The following FBXO41 variants were observed in gnomAD, a reference collection of about 807,000 sequenced individuals.
The protein encoded by FBXO41 is F-box protein 41.
In FBXO41, 33 loss-of-function variants were observed where a neutral mutation model predicts 81.6. That is an observed-to-expected ratio of 0.40 (90% CI 0.31 to 0.54). The LOEUF is 0.54. FBXO41 is among the 20% of genes least tolerant of loss of function. FBXO41 has a pLI of 0.39. For synonymous variants in FBXO41, 576 were observed against 552.7 expected (o/e 1.04, Z -0.59); for missense variants, 1,107 against 1,236.0 (o/e 0.90, Z 1.56).
Position 73,266,685 on chromosome 2 carries a change from G to A in FBXO41, c.906-3C>T, listed in dbSNP as rs1391840362. 1 of 1,576,480 alleles carries A rather than the reference G, an allele frequency of 6.3e-7. No homozygotes were observed. Among genetic ancestry groups the A allele is most frequent in the East Asian group, 2.3e-5 (1 of 43,722 alleles). ...ACTGGTCGATCTGCACCACCTCCCT[G>A]GGCCCAGAGCAGTCTCTTACCCCAG... On this transcript the variant is annotated splice_polypyrimidine_tract_variant and splice_region_variant and intron_variant, in intron 2 of 12. Transcript: ENST00000520530. This position sits in a 1 kb window ranked among gnomAD's most constrained non-coding sequence, Gnocchi z 5.3.
At position 73,266,548 on chromosome 2, in the gene FBXO41, C is replaced by T; in HGVS notation, c.1040G>A (p.Ser347Asn). The change falls in exon 3 of 13, where the codon AGC becomes AAC. Residue 347 changes from serine (S) to asparagine (N), a missense_variant. Ser to Asn is a conservative substitution (Grantham distance 46, BLOSUM62 1). Coordinates refer to ENST00000520530, the MANE Select transcript of FBXO41 (RefSeq NM_001371389.2). The surrounding 1 kb of genome is among the most constrained non-coding windows in gnomAD (Gnocchi z 5.3). The part of the protein sequence containing the change: ...DRAERQLQVI[S>N]SSCGSTPSAS... Reference sequence around the variant, plus strand: ...GCTGGGCGTGCTGCCACAGCTGCTGCTGATGACCTGCAGCTGCCGCTCGGC... The same window carrying T: ...GCTGGGCGTGCTGCCACAGCTGCTGTTGATGACCTGCAGCTGCCGCTCGGC... 6.2e-7 allele frequency: 1 copy of T among 1,609,234 alleles called. No individual in the cohort carries two copies. Among genetic ancestry groups the T allele is most frequent in the Non-Finnish European group, 8.5e-7 (1 of 1,178,546 alleles).
chr2:73,273,063 C>G (rs1238321182), intron 1 of FBXO41: 1 of 152,206 alleles, frequency 6.6e-6, no homozygotes, highest in Non-Finnish European at 1.5e-5. Context: ...TCCTCACCCC[C>G]CTCTTCAACT....
At chr2:73,281,525 G>A (rs745958156) in intron 1 of FBXO41, among the ~76,000 whole-genome samples, 2 of 152,220 alleles carry the variant, frequency 1.3e-5, no homozygotes, top group Non-Finnish European at 2.9e-5. Context: ...GCAGGCAGAG[G>A]CTCCATCAGC....
chr2:73,271,667 T>C (rs978314399), intron 1 of FBXO41, among the ~76,000 whole-genome samples: 1 of 145,208 alleles, frequency 6.9e-6, no homozygotes, highest in African/African-American at 2.6e-5. Context: ...GTCTCACTCT[T>C]TCACCTGGGC....
At chr2:73,276,508 C>T (rs957448261) in intron 1 of FBXO41, among the ~76,000 whole-genome samples, 15 of 148,438 alleles carry the variant, frequency 1.0e-4, no homozygotes, top group African/African-American at 3.5e-4. Context: ...AAATCCAAAA[C>T]ATGGTTCTTT....
At chr2:73,265,728 A>T in intron 4 of FBXO41, 88 bp from the exon 5 acceptor site, 1 of 1,435,228 alleles carries the variant, frequency 7.0e-7, no homozygotes, top group Admixed American at 2.5e-5. Context: ...AGCTGAGGGC[A>T]ACCCACCCGC....
intron 9 of FBXO41, among the ~76,000 whole-genome samples, chr2:73,262,684 C>T (rs566899083): frequency 3.3e-5 from 5 of 152,186 alleles, no homozygotes; most frequent in Non-Finnish European, 7.3e-5. Context: ...ATTGAGATTG[C>T]CAAGGTGGCA....
chr2:73,269,444 C>G lies in FBXO41; in HGVS notation c.187G>C (p.Gly63Arg). Residue 63 changes from glycine (G) to arginine (R), a missense_variant, in exon 2 of 13, where the codon GGG becomes CGG. By Grantham distance (125) the Gly-to-Arg change is moderately radical. Transcript: ENST00000520530. The surrounding 1 kb of genome is among the most constrained non-coding windows in gnomAD (Gnocchi z 7.0). ...AAAAAAAAAS[G>R]FPLAPEPAAL... The stretch of plus-strand genomic sequence containing the variant: ...GCGGGCTCGGGAGCCAGCGGGAACC[C>G]CGAGGCAGCGGCGGCGGCGGCCGCG... The G allele has an allele frequency of 7.6e-7, 1 of 1,316,914 alleles. No homozygotes were observed. The highest frequency in any genetic ancestry group is 1.5e-5 in the African/African-American group (1 of 64,708). 81.6% of individuals were successfully genotyped at this position (1,316,914 alleles called of 1,614,324 possible).
rs1688228226 is a variant in FBXO41 at position 73,265,602 on chromosome 2, C to T, written c.1244G>A (p.Gly415Asp). 17 of 1,530,032 alleles carry T rather than the reference C, an allele frequency of 1.1e-5. No homozygotes were observed. Among genetic ancestry groups the T allele is most frequent in the Admixed American group, 2.1e-5 (1 of 47,614 alleles). The allele number at this position is 1,530,032 out of a possible 1,614,324, so 94.8% of individuals were successfully genotyped here. ...CTCCAGACTGTCACTGTCATAGCAG[C>T]CTGAGCTCTGGGATGCGGCTGGCAC... ...SRVPAASQSSGCYDSDSLELP... is the reference protein window; with the variant it reads ...SRVPAASQSSDCYDSDSLELP... The change falls in exon 5 of 13, where the codon GGC becomes GAC. Residue 415 changes from glycine to aspartate, a missense_variant. Transcript: ENST00000520530.
Position 73,269,284 on chromosome 2 carries a change from G to T in FBXO41, c.347C>A (p.Ala116Asp). 6.5e-7 allele frequency: 1 copy of T among 1,531,014 alleles called. No homozygotes were observed. 94.8% of individuals were successfully genotyped at this position (1,531,014 alleles called of 1,614,324 possible). ...LHHHHHHAPLAHFPGDLVPAS... is the reference protein window; with the variant it reads ...LHHHHHHAPLDHFPGDLVPAS... ...GGGCACCAGGTCGCCGGGGAAGTGGGCGAGGGGAGCGTGGTGATGGTGGTG... is the reference window on the plus strand; with the variant it reads ...GGGCACCAGGTCGCCGGGGAAGTGGTCGAGGGGAGCGTGGTGATGGTGGTG... Residue 116 changes from alanine to aspartate, a missense_variant, in exon 2 of 13, where the codon GCC becomes GAC. Transcript: ENST00000520530. The surrounding 1 kb of genome is among the most constrained non-coding windows in gnomAD (Gnocchi z 7.0).
Position 73,260,631 on chromosome 2 carries a change from C to T in FBXO41, c.2291-84G>A. Reference sequence around the variant, plus strand: ...AGCACCCTGGCTACCACCCTGCCACCTGCCACCACCCAGGCTGCAGCCCCA... The same window carrying T: ...AGCACCCTGGCTACCACCCTGCCACTTGCCACCACCCAGGCTGCAGCCCCA... On this transcript the variant is annotated intron_variant, in intron 10 of 12. Transcript: ENST00000520530. The surrounding 1 kb of genome is among the most constrained non-coding windows in gnomAD (Gnocchi z 5.0). The T allele has an allele frequency of 6.5e-7, 1 of 1,536,476 alleles. No homozygotes were observed. Among genetic ancestry groups the T allele is most frequent in the Non-Finnish European group, 8.8e-7 (1 of 1,137,184 alleles).
At chr2:73,274,603 T>C (rs1299060360) in intron 1 of FBXO41, among the ~76,000 whole-genome samples, 2 of 152,264 alleles carry the variant, frequency 1.3e-5, no homozygotes, top group Non-Finnish European at 2.9e-5. Context: ...TTTCCTTTTT[T>C]TAAAATTCCA....
rs896587082 is a variant in FBXO41 at position 73,256,125 on chromosome 2, C to T, written c.*2857G>A. 1.3e-5 allele frequency: 2 copies of T among 152,122 alleles called. No individual in the cohort carries two copies. The highest frequency in any genetic ancestry group is 2.4e-5 in the African/African-American group (1 of 41,376). 9.4% of individuals were successfully genotyped at this position (152,122 alleles called of 1,614,324 possible). Reference sequence around the variant, plus strand: ...GGGTGGTAGAAACACCAAGTGGCCACCCCCACTGGGCCTCTACACATACCT... The same window carrying T: ...GGGTGGTAGAAACACCAAGTGGCCATCCCCACTGGGCCTCTACACATACCT... On this transcript the variant is annotated 3_prime_UTR_variant, in exon 13 of 13. Coordinates refer to ENST00000520530, the MANE Select transcript of FBXO41 (RefSeq NM_001371389.2).
Position 73,266,709 on chromosome 2 carries a change from A to G in FBXO41, c.906-27T>C, listed in dbSNP as rs750488925. 5 of 1,524,056 alleles carry G rather than the reference A, an allele frequency of 3.3e-6. No individual in the cohort carries two copies. Among genetic ancestry groups the G allele is most frequent in the Non-Finnish European group, 4.4e-6 (5 of 1,134,906 alleles). 94.4% of individuals were successfully genotyped at this position (1,524,056 alleles called of 1,614,324 possible). On this transcript the variant is annotated intron_variant, in intron 2 of 12. Transcript: ENST00000520530. This position sits in a 1 kb window ranked among gnomAD's most constrained non-coding sequence, Gnocchi z 5.3. ...TGGGCCCAGAGCAGTCTCTTACCCCAGAGCCTCAGCCTGCCTGCCCACCCA... is the reference window on the plus strand; with the variant it reads ...TGGGCCCAGAGCAGTCTCTTACCCCGGAGCCTCAGCCTGCCTGCCCACCCA...
At chr2:73,273,615 G>A (rs1471831610) in intron 1 of FBXO41, among the ~76,000 whole-genome samples, 1 of 152,188 alleles carries the variant, frequency 6.6e-6, no homozygotes. Flanking sequence ...CGGGAGCTGT[G>A]CTCAGTTGGT....
At chr2:73,270,195 G>A (rs180920230) in intron 1 of FBXO41, among the ~76,000 whole-genome samples, 3 of 152,306 alleles carry the variant, frequency 2.0e-5, no homozygotes, top group Non-Finnish European at 4.4e-5. Context: ...TAGAATTCCA[G>A]AGAGATGGAG....
chr2:73,284,005 G>T lies in FBXO41; in HGVS notation c.-139+155C>A, dbSNP rs928178332. On this transcript the variant is annotated intron_variant, in intron 1 of 12. Coordinates refer to ENST00000520530, the MANE Select transcript of FBXO41 (RefSeq NM_001371389.2). This position sits in a 1 kb window ranked among gnomAD's most constrained non-coding sequence, Gnocchi z 7.4. ...TAAATTAACCCCTTCCCTGCCTCTG[G>T]TCTGGCCTGCCCAGAATCCCTCCCC... 1 of 152,316 alleles carries T rather than the reference G, an allele frequency of 6.6e-6. No homozygotes were observed. The highest frequency in any genetic ancestry group is 1.5e-5 in the Non-Finnish European group (1 of 68,102). 9.4% of individuals were successfully genotyped at this position (152,316 alleles called of 1,614,324 possible).
chr2:73,269,483 C>T lies in FBXO41; in HGVS notation c.148G>A (p.Gly50Ser). ...ILSKTNSICDGAAAAAAAAAA... is the reference protein window; with the variant it reads ...ILSKTNSICDSAAAAAAAAAA... ...GCGGCGGCCGCGGCGGCGGCGGCGC[C>T]GTCGCAGATGCTGTTGGTCTTGGAG... is the stretch of plus-strand genomic sequence containing the variant. The change falls in exon 2 of 13, where the codon GGC becomes AGC. Residue 50 changes from glycine to serine, a missense_variant. By Grantham distance (56) the Gly-to-Ser change is moderately conservative (BLOSUM62 0). Coordinates refer to ENST00000520530, the MANE Select transcript of FBXO41 (RefSeq NM_001371389.2). This position sits in a 1 kb window ranked among gnomAD's most constrained non-coding sequence, Gnocchi z 7.0. 1.6e-6 allele frequency: 2 copies of T among 1,286,358 alleles called. No homozygotes were observed. Among genetic ancestry groups the T allele is most frequent in the South Asian group, 4.0e-5 (2 of 49,518 alleles). 79.7% of individuals were successfully genotyped at this position (1,286,358 alleles called of 1,614,324 possible).
At position 73,269,793 on chromosome 2, in the gene FBXO41, G is replaced by C. The variant is rs1190195221; in HGVS notation, c.-138-25C>G. 2 of 274,620 alleles carry C rather than the reference G, an allele frequency of 7.3e-6. No individual in the cohort carries two copies. Among genetic ancestry groups the C allele is most frequent in the East Asian group, 9.9e-5 (1 of 10,098 alleles). 17.0% of individuals were successfully genotyped at this position (274,620 alleles called of 1,614,324 possible). A position where few individuals can be genotyped will look rare whatever the true frequency, so the allele number is the denominator to read the frequency against. ...GCTGGAAGAGACGCGATGAGTCTTAGGAAGAGGGTATCGCTGCTCCCACCC... is the reference window on the plus strand; with the variant it reads ...GCTGGAAGAGACGCGATGAGTCTTACGAAGAGGGTATCGCTGCTCCCACCC... On this transcript the variant is annotated intron_variant, in intron 1 of 12. Coordinates refer to ENST00000520530, the MANE Select transcript of FBXO41 (RefSeq NM_001371389.2). The surrounding 1 kb of genome is among the most constrained non-coding windows in gnomAD (Gnocchi z 7.0).
Sources: gnomAD v4.1 joint callset for allele counts (sites outside exome capture counted in the v4.1 genomes callset) on GRCh38, gnomAD v4.1.1 for gene constraint, Gnocchi (gnomAD v3.1) non-coding constraint, MANE v1.5 for transcripts, NCBI Gene and HGNC (gene_info 2026-07-23, HGNC 2026-07-21) for gene names.